IGF1R: variants seen among roughly 807,000 people sequenced by gnomAD.
IGF1R encodes insulin like growth factor 1 receptor.
A neutral mutation model predicts 144.6 loss-of-function variants in IGF1R; 44 were observed. The observed-to-expected ratio is 0.30, with a 90% CI of 0.24 to 0.39. The LOEUF is 0.39. IGF1R is among the 10% of genes least tolerant of loss of function. IGF1R has a pLI of 1.00. For missense variants in IGF1R, 1,355 were observed against 1,833.7 expected (o/e 0.74, Z 4.77); for synonymous variants, 795 against 722.8 (o/e 1.10, Z -1.60).
chr15:98,708,721 G>A (rs1013427828), intron 2 of IGF1R, among the ~76,000 whole-genome samples: 15 of 152,200 alleles, frequency 9.9e-5, no homozygotes, highest in Non-Finnish European at 2.1e-4. Flanking sequence ...ATTTCTGCAA[G>A]TCCCAGGTTC....
rs918793191 is a variant in IGF1R, at chr15:98,653,036, C to G, written c.94+3361C>G. On this transcript the variant is annotated intron_variant, in intron 1 of 20. Coordinates refer to ENST00000650285, the MANE Select transcript of IGF1R (RefSeq NM_000875.5). ...ACATACATTTGACAGGCTGATGTCT[C>G]TCTCTCTTTTCATTTATGAGTTTTT... is the stretch of plus-strand genomic sequence containing the variant. Among the ~76,000 whole-genome samples, 24 of 151,410 alleles carry G rather than the reference C, an allele frequency of 1.6e-4. No individual in the cohort carries two copies. In the East Asian group the frequency reaches 2.1e-3, roughly 13 times the overall value.
chr15:98,865,997 A>C (rs1320496750), intron 2 of IGF1R, among the ~76,000 whole-genome samples: 1 of 152,198 alleles, frequency 6.6e-6, no homozygotes, highest in East Asian at 1.9e-4. Context: ...GAGTAGATAC[A>C]ACTTGCCCGT....
rs766418333 is a variant in IGF1R at position 98,943,137 on chromosome 15, C to T, written c.3587+85C>T. ...GCTCAGTCTCTAGGGCTTTATCTTT[C>T]TCTGTTCATTGTTACCCGTTGCCAG... is the stretch of plus-strand genomic sequence containing the variant. On this transcript the variant is annotated intron_variant, in intron 19 of 20. Coordinates refer to ENST00000650285, the MANE Select transcript of IGF1R (RefSeq NM_000875.5). 1.3e-5 allele frequency: 20 copies of T among 1,485,128 alleles called. No homozygotes were observed. The South Asian group carries it at 1.9e-4, about 14-fold the overall frequency. The allele number at this position is 1,485,128 out of a possible 1,614,324, so 92.0% of individuals were successfully genotyped here. A position where few individuals can be genotyped will look rare whatever the true frequency, so the allele number is the denominator to read the frequency against.
At chr15:98,884,152 C>T (rs1480398877) in intron 2 of IGF1R, among the ~76,000 whole-genome samples, 1 of 152,106 alleles carries the variant, frequency 6.6e-6, no homozygotes, top group African/African-American at 2.4e-5. Flanking sequence ...CCCCTGTGAA[C>T]GGTGGCAGCC....
chr15:98,740,592 T>A (rs927573522), intron 2 of IGF1R, among the ~76,000 whole-genome samples: 4 of 152,202 alleles, frequency 2.6e-5, no homozygotes, highest in Non-Finnish European at 5.9e-5. Flanking sequence ...ATTTCTCTTT[T>A]TGAGGGGGAA....
At chr15:98,866,115 C>A (rs1015161492) in intron 2 of IGF1R, among the ~76,000 whole-genome samples, 1 of 152,202 alleles carries the variant, frequency 6.6e-6, no homozygotes, top group African/African-American at 2.4e-5. Context: ...TACGTGCGGG[C>A]GTTCTCAGTT....
At chr15:98,668,135 G>A (rs1250388682) in intron 1 of IGF1R, among the ~76,000 whole-genome samples, 1 of 152,154 alleles carries the variant, frequency 6.6e-6, no homozygotes, top group African/African-American at 2.4e-5. Context: ...TGTCCTCACA[G>A]GGTGGAGAGA....
chr15:98,927,838 T>TA (rs1363903767), intron 13 of IGF1R, among the ~76,000 whole-genome samples: 8 of 152,198 alleles, frequency 5.3e-5, no homozygotes, highest in African/African-American at 1.4e-4. Context: ...ATAGGGGACT[T>TA]ACGATTAATG....
chr15:98,683,982 G>A (rs1291809140), intron 1 of IGF1R, among the ~76,000 whole-genome samples: 1 of 152,152 alleles, frequency 6.6e-6, no homozygotes, highest in Non-Finnish European at 1.5e-5. Flanking sequence ...GCTTAGTAGG[G>A]CTGCCCTGAG....
At chr15:98,879,315 C>T (rs2013250578) in intron 2 of IGF1R, among the ~76,000 whole-genome samples, 1 of 152,096 alleles carries the variant, frequency 6.6e-6, no homozygotes, top group Non-Finnish European at 1.5e-5. Flanking sequence ...AAGTAGAAGG[C>T]CAAATTCCGC....
At chr15:98,665,257 C>T (rs1025560708) in intron 1 of IGF1R, among the ~76,000 whole-genome samples, 4 of 152,138 alleles carry the variant, frequency 2.6e-5, no homozygotes, top group African/African-American at 9.7e-5. Flanking sequence ...GGCAGGAACC[C>T]AGCTTCATTT....
At chr15:98,773,402 T>C (rs976370017) in intron 2 of IGF1R, among the ~76,000 whole-genome samples, 1 of 152,196 alleles carries the variant, frequency 6.6e-6, no homozygotes, top group Non-Finnish European at 1.5e-5. Context: ...AATCAGTTCC[T>C]TGAGGGGAAG....
chr15:98,832,473 T>C (rs1299680747), intron 2 of IGF1R, among the ~76,000 whole-genome samples: 2 of 152,240 alleles, frequency 1.3e-5, no homozygotes, highest in Non-Finnish European at 2.9e-5. Flanking sequence ...ATGTGTAACC[T>C]TCTCACGAGT....
rs200676280 is a variant in IGF1R at position 98,909,840 on chromosome 15, TA to T, written c.1462+942del. ...CTGTTTATAAAACTTTAAGGTCTCA[TA>T]TCAGAGATACAGCAGTGCCTTTCTC... On this transcript the variant is annotated intron_variant, in intron 6 of 20. Coordinates refer to ENST00000650285, the MANE Select transcript of IGF1R (RefSeq NM_000875.5). 5.3e-4 allele frequency among the ~76,000 whole-genome samples: 81 copies of T among 152,364 alleles called. No homozygotes were observed. The East Asian group carries it at 0.015, about 28-fold the overall frequency.
Position 98,859,028 on chromosome 15 carries a change from G to A in IGF1R, c.641-32297G>A, listed in dbSNP as rs530151709. ...CTGCTCATTAGGAAGCCCAGCCTCCGGGGAGGGTTTAGCTTCTCATCTAAG... is the reference window on the plus strand; with the variant it reads ...CTGCTCATTAGGAAGCCCAGCCTCCAGGGAGGGTTTAGCTTCTCATCTAAG... On this transcript the variant is annotated intron_variant, in intron 2 of 20. Coordinates refer to ENST00000650285, the MANE Select transcript of IGF1R (RefSeq NM_000875.5). Among the ~76,000 whole-genome samples, 334 of 152,082 alleles carry A rather than the reference G, an allele frequency of 2.2e-3. 1 individual carries two copies. The highest frequency in any genetic ancestry group is 7.0e-3 in the African/African-American group (292 of 41,452).
intron 2 of IGF1R, among the ~76,000 whole-genome samples, chr15:98,750,520 G>A (rs932002285): frequency 6.6e-6 from 1 of 152,156 alleles, no homozygotes; most frequent in Non-Finnish European, 1.5e-5. Context: ...ATTTTGTTCT[G>A]TTCATAAAAA....
At chr15:98,799,754 T>C (rs2056322442) in intron 2 of IGF1R, among the ~76,000 whole-genome samples, 1 of 151,976 alleles carries the variant, frequency 6.6e-6, no homozygotes, top group Non-Finnish European at 1.5e-5. Flanking sequence ...GCTGGGATCG[T>C]GGTGTTAAAT....
intron 13 of IGF1R, among the ~76,000 whole-genome samples, chr15:98,925,190 T>C (rs1315440394): frequency 6.6e-6 from 1 of 152,144 alleles, no homozygotes; most frequent in African/African-American, 2.4e-5. Context: ...GACCCTCCAC[T>C]GTCCTTTTAA....
intron 5 of IGF1R, among the ~76,000 whole-genome samples, chr15:98,904,856 C>G (rs1183622000): frequency 1.3e-5 from 2 of 152,228 alleles, no homozygotes; most frequent in Non-Finnish European, 2.9e-5. Flanking sequence ...CCTTCCTGTT[C>G]TGAGACTTTG....
Sources: gnomAD v4.1 joint callset for allele counts (sites outside exome capture counted in the v4.1 genomes callset) on GRCh38, gnomAD v4.1.1 for gene constraint, MANE v1.5 for transcripts, NCBI Gene and HGNC (gene_info 2026-07-23, HGNC 2026-07-21) for gene names.